Variants in NKAIN2 observed in about 807,000 individuals in gnomAD.
The protein encoded by NKAIN2 is sodium/potassium-transporting ATPase subunit beta-1-interacting protein 2.
Under a neutral mutation model 32.6 loss-of-function variants are expected in NKAIN2, and 14 were observed. That is an observed-to-expected ratio of 0.43 (90% CI 0.28 to 0.67). The LOEUF is 0.67. NKAIN2 is among the 30% of genes least tolerant of loss of function. The pLI, the probability that NKAIN2 is intolerant of heterozygous loss-of-function variation, is 0.17. For synonymous variants in NKAIN2, 80 were observed against 87.2 expected (o/e 0.92, Z 0.46); for missense variants, 198 against 258.3 (o/e 0.77, Z 1.60).
Position 124,566,359 on chromosome 6 carries a change from G to C in NKAIN2, c.274-91827G>C, listed in dbSNP as rs1365025911. Reference sequence around the variant, plus strand: ...TAATTTTTCATTTGTTTGTATCTCTGTCTCTCTAGTTAGCTGTGAGTAGAG... The same window carrying C: ...TAATTTTTCATTTGTTTGTATCTCTCTCTCTCTAGTTAGCTGTGAGTAGAG... On this transcript the variant is annotated intron_variant, in intron 3 of 6. Coordinates refer to ENST00000368417, the MANE Select transcript of NKAIN2 (RefSeq NM_001040214.3). Among the ~76,000 whole-genome samples the C allele has an allele frequency of 2.0e-5, 3 of 152,010 alleles. No individual in the cohort carries two copies. In the South Asian group the frequency reaches 6.2e-4, roughly 32 times the overall value.
chr6:124,182,836 A>G (rs1425288987), intron 1 of NKAIN2, among the ~76,000 whole-genome samples: 2 of 152,156 alleles, frequency 1.3e-5, no homozygotes, highest in African/African-American at 2.4e-5. Context: ...TAGCTCAGAC[A>G]GATATATATA....
At chr6:124,493,754 C>G (rs549726994) in intron 3 of NKAIN2, among the ~76,000 whole-genome samples, 1 of 134,078 alleles carries the variant, frequency 7.5e-6, no homozygotes, top group Non-Finnish European at 1.5e-5. Context: ...TCAACATCAC[C>G]AATTCTGTGC....
chr6:124,482,560 T>C (rs541767766), intron 3 of NKAIN2, among the ~76,000 whole-genome samples: 2 of 152,314 alleles, frequency 1.3e-5, no homozygotes, highest in African/African-American at 4.8e-5. Context: ...TAAGAGAACA[T>C]TCTTTCTTTA....
At chr6:124,490,713 C>T (rs1250493786) in intron 3 of NKAIN2, among the ~76,000 whole-genome samples, 1 of 151,672 alleles carries the variant, frequency 6.6e-6, no homozygotes, top group East Asian at 1.9e-4. Context: ...ATATCTTCTA[C>T]TTTATAATCC....
intron 1 of NKAIN2, among the ~76,000 whole-genome samples, chr6:124,005,997 C>T (rs777335726): frequency 3.4e-4 from 52 of 152,144 alleles, no homozygotes; most frequent in Admixed American, 7.2e-4. Context: ...TTGCCCTGCT[C>T]ATTCATCCTT....
At chr6:124,591,452 C>G (rs937528034) in intron 3 of NKAIN2, among the ~76,000 whole-genome samples, 1 of 152,074 alleles carries the variant, frequency 6.6e-6, no homozygotes, top group East Asian at 1.9e-4. Flanking sequence ...CCAGTATGTT[C>G]TTTTGGGGAT....
At chr6:124,231,723 C>G (rs2114737147) in intron 1 of NKAIN2, among the ~76,000 whole-genome samples, 1 of 152,196 alleles carries the variant, frequency 6.6e-6, no homozygotes, top group South Asian at 2.1e-4. Context: ...GATTGCGAGG[C>G]CTCCCCAGCC....
At chr6:124,659,209 T>G (rs1231149542) in intron 4 of NKAIN2, among the ~76,000 whole-genome samples, 1 of 152,162 alleles carries the variant, frequency 6.6e-6, no homozygotes, top group Non-Finnish European at 1.5e-5. Flanking sequence ...ACTGCATAGA[T>G]TTTTCTTAGA....
chr6:124,013,664 G>A (rs761817685), intron 1 of NKAIN2, among the ~76,000 whole-genome samples: 1 of 152,136 alleles, frequency 6.6e-6, no homozygotes, highest in Non-Finnish European at 1.5e-5. Flanking sequence ...TACCCTTTAT[G>A]GCAAAAGAGA....
At chr6:124,396,591 T>C (rs977493255) in intron 3 of NKAIN2, among the ~76,000 whole-genome samples, 2 of 152,178 alleles carry the variant, frequency 1.3e-5, no homozygotes, top group Non-Finnish European at 2.9e-5. Context: ...CATGTCATTC[T>C]GCCTTACTTA....
At chr6:124,562,904 CTTTTTTTTTTT>C (rs34572745) in intron 3 of NKAIN2, among the ~76,000 whole-genome samples, 1 of 131,200 alleles carries the variant, frequency 7.6e-6, no homozygotes, top group Non-Finnish European at 1.6e-5. Context: ...TTTTTTGTTT[CTTTTTTTTTTT>C]TTTTTTTGAG....
intron 2 of NKAIN2, among the ~76,000 whole-genome samples, chr6:124,289,205 A>C (rs1408453405): frequency 6.6e-6 from 1 of 152,168 alleles, no homozygotes; most frequent in South Asian, 2.1e-4. Context: ...GTATTTTCTG[A>C]TTAATGCTGA....
intron 1 of NKAIN2, among the ~76,000 whole-genome samples, chr6:124,042,531 T>TG (rs1316982492): frequency 6.6e-6 from 1 of 152,012 alleles, no homozygotes; most frequent in African/African-American, 2.4e-5. Flanking sequence ...ACTTTACTCG[T>TG]GGGGGAAAAA....
intron 3 of NKAIN2, among the ~76,000 whole-genome samples, chr6:124,466,733 A>G (rs1401064243): frequency 1.5e-5 from 2 of 133,736 alleles, no homozygotes; most frequent in Non-Finnish European, 3.2e-5. Context: ...AATTTATTTA[A>G]GCTCAGAGTA....
At chr6:124,116,844 T>C (rs1377430609) in intron 1 of NKAIN2, among the ~76,000 whole-genome samples, 2 of 152,100 alleles carry the variant, frequency 1.3e-5, no homozygotes, top group Non-Finnish European at 2.9e-5. Context: ...CTAGATAATA[T>C]GTAATCTTAT....
At chr6:124,531,745 A>G (rs1026006816) in intron 3 of NKAIN2, among the ~76,000 whole-genome samples, 2 of 152,072 alleles carry the variant, frequency 1.3e-5, no homozygotes, top group African/African-American at 2.4e-5. Context: ...TATGATCTCC[A>G]TGGCCACCTC....
intron 3 of NKAIN2, among the ~76,000 whole-genome samples, chr6:124,470,836 A>G (rs911146801): frequency 5.3e-5 from 8 of 152,236 alleles, no homozygotes; most frequent in African/African-American, 1.9e-4. Flanking sequence ...AAGTCAATTT[A>G]AACTTACTCT....
intron 1 of NKAIN2, among the ~76,000 whole-genome samples, chr6:123,982,143 T>G (rs1210891561): frequency 6.6e-6 from 1 of 152,180 alleles, no homozygotes; most frequent in Non-Finnish European, 1.5e-5. Context: ...AGAGTTGTTG[T>G]TGTTGACTCT....
intron 4 of NKAIN2, among the ~76,000 whole-genome samples, chr6:124,764,191 T>C (rs1778404592): frequency 6.6e-6 from 1 of 152,214 alleles, no homozygotes; most frequent in African/African-American, 2.4e-5. Flanking sequence ...TTATTTTCAC[T>C]AACTTCTAAC....
Sources: gnomAD v4.1 joint callset for allele counts (sites outside exome capture counted in the v4.1 genomes callset) on GRCh38, gnomAD v4.1.1 for gene constraint, MANE v1.5 for transcripts, NCBI Gene and HGNC (gene_info 2026-07-23, HGNC 2026-07-21) for gene names.